The following NAALADL2 variants were observed in gnomAD, a reference collection of about 807,000 sequenced individuals.
The protein encoded by NAALADL2 is N-acetylated alpha-linked acidic dipeptidase like 2, also known as inactive N-acetylated-alpha-linked acidic dipeptidase-like protein 2.
In NAALADL2, 76 loss-of-function variants were observed where a neutral mutation model predicts 87.2. That is an observed-to-expected ratio of 0.87 (90% confidence interval 0.72 to 1.05). The LOEUF (loss-of-function observed/expected upper bound fraction) is 1.05. NAALADL2 is among the 50% of genes least tolerant of loss of function. The probability of loss-of-function intolerance (pLI) is 0.00; values close to 1 mark genes in which losing one functional copy is unlikely to be tolerated. For synonymous variants in NAALADL2, 354 were observed against 331.0 expected, an observed-to-expected ratio of 1.07 and a Z score of -0.75; for missense variants, 1,089 against 945.8, an observed-to-expected ratio of 1.15 and a Z score of -1.99.
chr3:175,368,491 T>C (rs571009491), intron 5 of NAALADL2, among the ~76,000 whole-genome samples: 1 of 152,192 alleles, frequency 6.6e-6, no homozygotes, highest in African/African-American at 2.4e-5. Flanking sequence ...GGTCCGAAAA[T>C]AGTTACATTT....
At chr3:175,254,765 G>A (rs1203075793) in intron 3 of NAALADL2, among the ~76,000 whole-genome samples, 3 of 151,988 alleles carry the variant, frequency 2.0e-5, no homozygotes, top group Non-Finnish European at 4.4e-5. Context: ...TATATCAACA[G>A]TTATTTATAT....
In NAALADL2 at chr3:175,451,178, T is replaced by C. The variant is rs539381997; in HGVS notation, c.1234+3806T>C. On this transcript the variant is annotated intron_variant, in intron 6 of 13. Coordinates refer to ENST00000454872, the MANE Select transcript of NAALADL2 (RefSeq NM_207015.3). ...TTACTCCTTTGTTTCAGCCTATTTA[T>C]ATTTGGTTTTTGGTTACTTGCAACT... Among the ~76,000 whole-genome samples the C allele has an allele frequency of 2.6e-5, 4 of 152,300 alleles. No individual in the cohort carries two copies. The East Asian group carries it at 7.7e-4, about 29-fold the overall frequency.
intron 2 of NAALADL2, among the ~76,000 whole-genome samples, chr3:175,121,590 C>T (rs1726171218): frequency 6.6e-6 from 1 of 151,786 alleles, no homozygotes; most frequent in Admixed American, 6.6e-5. Flanking sequence ...GGGAAAAGTC[C>T]AGGAAATTCC....
chr3:175,583,490 CA>C (rs10681728), intron 10 of NAALADL2, among the ~76,000 whole-genome samples: 3,186 of 138,656 alleles, frequency 0.023, 108 homozygotes, highest in African/African-American at 0.073. Flanking sequence ...GGATGAGCTG[CA>C]AAAAAAAAAA....
intron 9 of NAALADL2, among the ~76,000 whole-genome samples, chr3:175,513,174 T>C (rs1247440509): frequency 2.6e-5 from 4 of 152,132 alleles, no homozygotes; most frequent in Non-Finnish European, 5.9e-5. Flanking sequence ...ATATTATTAA[T>C]GGAACATGTT....
chr3:174,926,566 A>C (rs967449830), intron 1 of NAALADL2, among the ~76,000 whole-genome samples: 2 of 152,192 alleles, frequency 1.3e-5, no homozygotes, highest in African/African-American at 2.4e-5. Context: ...TTCTTAAAGA[A>C]AAGAATTTTC....
intron 5 of NAALADL2, 96 bp from the exon 6 acceptor site, chr3:175,447,133 C>A: frequency 1.4e-6 from 1 of 706,332 alleles, no homozygotes; most frequent in Non-Finnish European, 2.2e-6. Context: ...ATAAACTTAC[C>A]AGTCATAATT....
At chr3:175,662,160 A>G (rs997429067) in intron 11 of NAALADL2, among the ~76,000 whole-genome samples, 1 of 151,706 alleles carries the variant, frequency 6.6e-6, no homozygotes, top group Non-Finnish European at 1.5e-5. Flanking sequence ...TCCCTCTTCA[A>G]TTTCTTTCAT....
chr3:174,956,071 A>T (rs1004371948), intron 1 of NAALADL2, among the ~76,000 whole-genome samples: 1 of 152,070 alleles, frequency 6.6e-6, no homozygotes, highest in Admixed American at 6.6e-5. Context: ...AAACAAAAAC[A>T]CTAGGTTGTT....
At chr3:175,490,261 T>G (rs1727865600) in intron 9 of NAALADL2, among the ~76,000 whole-genome samples, 1 of 152,218 alleles carries the variant, frequency 6.6e-6, no homozygotes, top group Non-Finnish European at 1.5e-5. Flanking sequence ...ATGATAACCT[T>G]TAAGTTGCTA....
intron 4 of NAALADL2, among the ~76,000 whole-genome samples, chr3:175,314,883 G>A (rs1758939592): frequency 6.6e-6 from 1 of 150,442 alleles, no homozygotes; most frequent in African/African-American, 2.4e-5. Context: ...TCATCAACTC[G>A]ACAACAATAG....
chr3:174,617,320 T>C (rs1212569720), intron 2 of NAALADL2, among the ~76,000 whole-genome samples: 2 of 151,758 alleles, frequency 1.3e-5, no homozygotes, highest in Admixed American at 6.6e-5. Flanking sequence ...GCTACTTGTG[T>C]CCTTTAAAAG....
At chr3:174,874,062 A>G (rs1362221395) in intron 1 of NAALADL2, among the ~76,000 whole-genome samples, 1 of 152,054 alleles carries the variant, frequency 6.6e-6, no homozygotes, top group African/African-American at 2.4e-5. Flanking sequence ...GGCTGGCATA[A>G]TACAAGCCTC....
chr3:174,718,952 A>G (rs1220087256), intron 2 of NAALADL2, among the ~76,000 whole-genome samples: 1 of 152,154 alleles, frequency 6.6e-6, no homozygotes, highest in Non-Finnish European at 1.5e-5. Flanking sequence ...ATCCTTTAAA[A>G]CAATCTTTTC....
intron 10 of NAALADL2, 60 bp downstream of exon 10, chr3:175,576,247 G>T: frequency 1.4e-6 from 2 of 1,453,800 alleles, no homozygotes; most frequent in South Asian, 1.3e-5. Flanking sequence ...TGCAGAATTT[G>T]ATTTTATCCT....
At chr3:174,529,492 C>T (rs921163238) in intron 1 of NAALADL2, among the ~76,000 whole-genome samples, 14 of 152,190 alleles carry the variant, frequency 9.2e-5, no homozygotes, top group African/African-American at 3.4e-4. Flanking sequence ...CACAGCTCCA[C>T]TAGGTGGTGC....
intron 4 of NAALADL2, among the ~76,000 whole-genome samples, chr3:175,304,301 A>T (rs761394740): frequency 6.6e-6 from 1 of 151,912 alleles, no homozygotes; most frequent in Non-Finnish European, 1.5e-5. Context: ...CTTCTTTTCA[A>T]CTCTCCAGAT....
rs1753578809 is a variant in NAALADL2, at chr3:175,797,012, T to TTCATC, written c.2190-5990_2190-5986dup. ...AGATTTGTCAGTTGAGTAAAGATAT[T>TTCATC]TCATCTCCTTCACTGATACCACCTG... On this transcript the variant is annotated intron_variant, in intron 13 of 13. Coordinates refer to ENST00000454872, the MANE Select transcript of NAALADL2 (RefSeq NM_207015.3). 5.9e-5 allele frequency among the ~76,000 whole-genome samples: 9 copies of TTCATC among 152,104 alleles called. No individual in the cohort carries two copies. The South Asian group carries it at 1.7e-3, about 28-fold the overall frequency.
At chr3:175,247,290 A>AT (rs1748169970) in intron 3 of NAALADL2, among the ~76,000 whole-genome samples, 1 of 151,926 alleles carries the variant, frequency 6.6e-6, no homozygotes, top group South Asian at 2.1e-4. Flanking sequence ...ACACACACAT[A>AT]AAACACATAA....
Sources: gnomAD v4.1 joint callset for allele counts (sites outside exome capture counted in the v4.1 genomes callset) on GRCh38, gnomAD v4.1.1 for gene constraint, MANE v1.5 for transcripts, NCBI Gene and HGNC (gene_info 2026-07-23, HGNC 2026-07-21) for gene names.